The following MORN1 variants were observed in gnomAD, a reference collection of about 807,000 sequenced individuals.
MORN1 encodes MORN repeat containing 1, also known as MORN repeat-containing protein 1.
Under a neutral mutation model 61.9 loss-of-function variants are expected in MORN1, and 67 were observed. The observed-to-expected ratio is 1.08, with a 90% CI of 0.89 to 1.33. The LOEUF (loss-of-function observed/expected upper bound fraction) is 1.33. Ranked by LOEUF, MORN1 falls within the 40% of genes most tolerant of loss-of-function variation. MORN1 has a pLI of 0.00. For missense variants in MORN1, 752 were observed against 691.2 expected (o/e 1.09, Z -0.99); for synonymous variants, 301 against 292.0 (o/e 1.03, Z -0.31).
rs755389502 is a variant in MORN1, at chr1:2,391,455, T to C, written c.76+3A>G. ...GACCTGTCCCGTGGCCCGCAGTCGT[T>C]ACCGTTCCGGGGCGGCCGCCTAGGC... On this transcript the variant is annotated splice_donor_region_variant and intron_variant, in intron 1 of 13. Coordinates refer to ENST00000378531, the MANE Select transcript of MORN1 (RefSeq NM_024848.3). 9.9e-5 allele frequency: 124 copies of C among 1,256,080 alleles called. No homozygotes were observed. Among genetic ancestry groups the C allele is most frequent in the South Asian group, 4.5e-4 (13 of 28,862 alleles). 77.8% of individuals were successfully genotyped at this position (1,256,080 alleles called of 1,614,324 possible). A position where few individuals can be genotyped will look rare whatever the true frequency, so the allele number is the denominator to read the frequency against.
intron 12 of MORN1, among the ~76,000 whole-genome samples, chr1:2,328,023 G>C (rs1641073666): frequency 1.3e-5 from 2 of 152,268 alleles, no homozygotes; most frequent in South Asian, 4.1e-4. Flanking sequence ...CAGAGCTCCA[G>C]GGAGCGGCAT....
intron 12 of MORN1, among the ~76,000 whole-genome samples, chr1:2,335,186 C>T (rs1641238641): frequency 6.6e-6 from 1 of 152,238 alleles, no homozygotes; most frequent in South Asian, 2.1e-4. Context: ...TTGGCAGCCC[C>T]CGAGCGTTCC....
rs1642537531 is a variant in MORN1 at position 2,387,655 on chromosome 1, T to A, written c.248-126A>T. ...TCCAGAATGGACGTCCCTGCCTCCATCATACTACTCAGTCTGCTTCATGAG... is the reference window on the plus strand; with the variant it reads ...TCCAGAATGGACGTCCCTGCCTCCAACATACTACTCAGTCTGCTTCATGAG... On this transcript the variant is annotated intron_variant, in intron 3 of 13. Coordinates refer to ENST00000378531, the MANE Select transcript of MORN1 (RefSeq NM_024848.3). The A allele has an allele frequency of 5.1e-5, 35 of 682,498 alleles. No homozygotes were observed. The South Asian group carries it at 5.6e-4, about 11-fold the overall frequency. The allele number at this position is 682,498 out of a possible 1,614,324, so 42.3% of individuals were successfully genotyped here.
chr1:2,387,250 T>C (rs1049970154), intron 4 of MORN1, 169 bp downstream of exon 4: 9 of 637,428 alleles, frequency 1.4e-5, no homozygotes, highest in Middle Eastern at 4.3e-4. Context: ...ATGCCGGGCA[T>C]AGGACATGGC....
intron 6 of MORN1, among the ~76,000 whole-genome samples, chr1:2,379,792 A>G (rs1642329657): frequency 6.6e-6 from 1 of 152,254 alleles, no homozygotes; most frequent in African/African-American, 2.4e-5. Context: ...CACTGTGGGC[A>G]GGAAGGTAAA....
chr1:2,324,357 C>T (rs1489361664), intron 12 of MORN1, among the ~76,000 whole-genome samples: 1 of 152,194 alleles, frequency 6.6e-6, no homozygotes, highest in Non-Finnish European at 1.5e-5. Flanking sequence ...CGTGGGCTGC[C>T]CTGTGCAAAT....
intron 13 of MORN1, chr1:2,321,886 C>T (rs762701546): frequency 4.1e-6 from 2 of 490,352 alleles, no homozygotes; most frequent in Non-Finnish European, 5.3e-6. Context: ...GGACACGACC[C>T]TCGCATGGTG....
intron 8 of MORN1, among the ~76,000 whole-genome samples, chr1:2,369,573 T>C (rs1642072392): frequency 6.6e-6 from 1 of 152,016 alleles, no homozygotes. Flanking sequence ...GTAGAACTAA[T>C]AAATGAGTAA....
rs1201437426 is a variant in MORN1 at position 2,385,798 on chromosome 1, C to T, written c.449+9G>A. 1 of 1,612,582 alleles carries T rather than the reference C, an allele frequency of 6.2e-7. No individual in the cohort carries two copies. The highest frequency in any genetic ancestry group is 1.7e-5 in the Admixed American group (1 of 59,996). On this transcript the variant is annotated intron_variant, in intron 5 of 13. Coordinates refer to ENST00000378531, the MANE Select transcript of MORN1 (RefSeq NM_024848.3). ...TGCGCCAGGCAGTACCCACAAGACTCATACTCACTGAAAGAGCATCTGCCC... is the reference window on the plus strand; with the variant it reads ...TGCGCCAGGCAGTACCCACAAGACTTATACTCACTGAAAGAGCATCTGCCC...
chr1:2,368,617 A>G (rs993384944), intron 8 of MORN1, among the ~76,000 whole-genome samples: 2 of 152,154 alleles, frequency 1.3e-5, no homozygotes, highest in Non-Finnish European at 2.9e-5. Context: ...TCTGGAGTCA[A>G]GTTCTGCCTC....
intron 12 of MORN1, among the ~76,000 whole-genome samples, chr1:2,325,167 T>TCCCTCCCTCCCTTCCCTC (rs1159436657): frequency 1.0e-5 from 1 of 97,074 alleles, no homozygotes; most frequent in African/African-American, 3.6e-5. Flanking sequence ...CTCCCTTCCT[T>TCCCTCCCTCCCTTCCCTC]CCTTTCCTTC....
intron 10 of MORN1, among the ~76,000 whole-genome samples, chr1:2,348,528 G>A (rs560016367): frequency 2.0e-4 from 30 of 152,284 alleles, no homozygotes; most frequent in African/African-American, 7.0e-4. Flanking sequence ...TACTGTGTCC[G>A]CTCCTGCCTG....
At chr1:2,384,225 C>A (rs1036399101) in intron 6 of MORN1, among the ~76,000 whole-genome samples, 3 of 152,140 alleles carry the variant, frequency 2.0e-5, no homozygotes, top group South Asian at 2.1e-4. Flanking sequence ...ATGCTCAGAC[C>A]GAAAGCTCAG....
At position 2,334,758 on chromosome 1, in the gene MORN1, C is replaced by G. The variant is rs1367399928; in HGVS notation, c.1250+1711G>C. 1.3e-5 allele frequency among the ~76,000 whole-genome samples: 2 copies of G among 152,234 alleles called. No homozygotes were observed. The highest frequency in any genetic ancestry group is 4.8e-5 in the African/African-American group (2 of 41,460). ...ACTTAACTCGAGGACAGTGCGAGCC[C>G]TTTGGCTGGGAGGCCCAGGCTGGGA... On this transcript the variant is annotated intron_variant, in intron 12 of 13. Coordinates refer to ENST00000378531, the MANE Select transcript of MORN1 (RefSeq NM_024848.3). This position sits in a 1 kb window ranked among gnomAD's most constrained non-coding sequence, Gnocchi z 5.4.
In MORN1 at chr1:2,324,773, C is replaced by CT. The variant is rs1444553883; in HGVS notation, c.1251-631dup. ...TGCAGCTCCTGCCCTGAGGCAGTCT[C>CT]TGGGGGGGCCCACCACCCACCAGGG... On this transcript the variant is annotated intron_variant, in intron 12 of 13. Transcript: ENST00000378531. Among the ~76,000 whole-genome samples, 14 of 152,246 alleles carry CT rather than the reference C, an allele frequency of 9.2e-5. No individual in the cohort carries two copies. In the East Asian group the frequency reaches 2.7e-3, roughly 30 times the overall value.
chr1:2,374,229 C>T (rs1642184763), intron 7 of MORN1, among the ~76,000 whole-genome samples: 1 of 152,234 alleles, frequency 6.6e-6, no homozygotes, highest in African/African-American at 2.4e-5. Flanking sequence ...CATGACGAGG[C>T]CACCCCCAGA....
At chr1:2,338,832 G>A (rs920820363) in intron 10 of MORN1, among the ~76,000 whole-genome samples, 7 of 152,196 alleles carry the variant, frequency 4.6e-5, no homozygotes, top group Non-Finnish European at 8.8e-5. Context: ...CCTTCAGGCA[G>A]GTTCTCACGA....
chr1:2,379,635 G>A (rs947213925), intron 6 of MORN1, among the ~76,000 whole-genome samples: 7 of 152,306 alleles, frequency 4.6e-5, no homozygotes, highest in East Asian at 1.9e-4. Flanking sequence ...GACCGGGTGC[G>A]CAGTGGTGGC....
At chr1:2,377,424 T>G (rs1192949858) in intron 6 of MORN1, 1 of 152,378 alleles carries the variant, frequency 6.6e-6, no homozygotes, top group Non-Finnish European at 1.5e-5. Flanking sequence ...CCCCGGGCAG[T>G]GCTCGGCTCT....
Sources: allele counts gnomAD v4.1 joint callset (sites outside exome capture counted in the v4.1 genomes callset), GRCh38; gene constraint gnomAD v4.1.1; non-coding constraint Gnocchi (gnomAD v3.1); transcripts MANE v1.5; gene names NCBI Gene and HGNC (gene_info 2026-07-23, HGNC 2026-07-21).